PRKN: variants seen among roughly 807,000 people sequenced by gnomAD.
PRKN encodes E3 ubiquitin-protein ligase parkin.
In PRKN, 56 loss-of-function variants were observed where a neutral mutation model predicts 59.5. That is an observed-to-expected ratio of 0.94 (90% CI 0.76 to 1.18). The LOEUF (loss-of-function observed/expected upper bound fraction) is 1.18, where lower values mean the gene tolerates loss of function less well. PRKN is among the 50% of genes most tolerant of loss of function. The pLI is 0.00. For missense variants in PRKN, 657 were observed against 596.4 expected (o/e 1.10, Z -1.06); for synonymous variants, 250 against 222.1 (o/e 1.13, Z -1.12).
intron 6 of PRKN, among the ~76,000 whole-genome samples, chr6:161,816,755 A>G (rs935069917): frequency 6.6e-6 from 1 of 151,888 alleles, no homozygotes; most frequent in African/African-American, 2.4e-5. Context: ...GTTCATGCGC[A>G]GTCACTTTCT....
At chr6:162,217,034 C>T (rs1401065730) in intron 3 of PRKN, among the ~76,000 whole-genome samples, 1 of 152,102 alleles carries the variant, frequency 6.6e-6, no homozygotes, top group Admixed American at 6.6e-5. Context: ...CCAAGATTTT[C>T]GGTGTACAGA....
At chr6:162,225,901 T>C (rs1489877618) in intron 3 of PRKN, among the ~76,000 whole-genome samples, 4 of 148,920 alleles carry the variant, frequency 2.7e-5, no homozygotes, top group African/African-American at 9.8e-5. Context: ...TATATATATA[T>C]ATATACTTTT....
chr6:162,181,353 G>C (rs892930419), intron 4 of PRKN, among the ~76,000 whole-genome samples: 1 of 152,176 alleles, frequency 6.6e-6, no homozygotes, highest in Admixed American at 6.5e-5. Context: ...AAGAATACAA[G>C]TGGATGCTTG....
intron 6 of PRKN, among the ~76,000 whole-genome samples, chr6:161,902,552 A>ATCTATCTATCTATCTAT (rs1343265664): frequency 1.4e-4 from 17 of 121,076 alleles, no homozygotes; most frequent in East Asian, 1.0e-3. Context: ...CTATCTATTT[A>ATCTATCTATCTATCTAT]TTTATTTATT....
chr6:162,387,551 CACACAGAGAGAGAGAG>C (rs1176233524), intron 2 of PRKN, among the ~76,000 whole-genome samples: 49 of 76,678 alleles, frequency 6.4e-4, no homozygotes, highest in African/African-American at 2.6e-3. Flanking sequence ...CACACACACA[CACACAGAGAGAGAGAG>C]AGAGAGAGAG....
rs529158566 is a variant in PRKN, at chr6:162,520,091, A to AAT, written c.8-76620_8-76619dup. On this transcript the variant is annotated intron_variant, in intron 1 of 11. Coordinates refer to ENST00000366898, the MANE Select transcript of PRKN (RefSeq NM_004562.3). ...ATAGTGAGACCCTCATCTCTACAAA[A>AAT]ATATATATATATTTTTAAATATGGC... 1.6e-4 allele frequency among the ~76,000 whole-genome samples: 24 copies of AAT among 152,104 alleles called. No homozygotes were observed. In the South Asian group the frequency reaches 4.2e-3, roughly 26 times the overall value.
intron 4 of PRKN, among the ~76,000 whole-genome samples, chr6:162,120,241 C>T (rs1780851132): frequency 6.6e-6 from 1 of 152,196 alleles, no homozygotes; most frequent in Admixed American, 6.5e-5. Flanking sequence ...TGGGCTCAAG[C>T]AATTCTCCTG....
At chr6:161,979,183 C>T (rs1781167405) in intron 5 of PRKN, among the ~76,000 whole-genome samples, 1 of 151,802 alleles carries the variant, frequency 6.6e-6, no homozygotes, top group Admixed American at 6.6e-5. Flanking sequence ...CAAATGATAG[C>T]CTAAATGATT....
At chr6:161,791,277 T>C (rs1047438695) in intron 6 of PRKN, among the ~76,000 whole-genome samples, 29 of 152,210 alleles carry the variant, frequency 1.9e-4, no homozygotes, top group Non-Finnish European at 3.4e-4. Flanking sequence ...TTAAGCACAA[T>C]TGAAGGAGTT....
intron 1 of PRKN, among the ~76,000 whole-genome samples, chr6:162,467,478 A>G (rs1272734719): frequency 1.3e-5 from 2 of 152,176 alleles, no homozygotes; most frequent in Non-Finnish European, 2.9e-5. Flanking sequence ...AGCTCATGAT[A>G]AAAATTTAGC....
intron 3 of PRKN, among the ~76,000 whole-genome samples, chr6:162,238,596 G>A (rs750206711): frequency 2.8e-4 from 42 of 152,198 alleles, no homozygotes; most frequent in Non-Finnish European, 4.1e-4. Context: ...CCAAGACCCT[G>A]GGAGTTAAGT....
At chr6:161,747,030 G>A (rs1465582779) in intron 7 of PRKN, among the ~76,000 whole-genome samples, 2 of 152,062 alleles carry the variant, frequency 1.3e-5, no homozygotes, top group Admixed American at 6.6e-5. Context: ...AAACGTTTTC[G>A]ATTGATTTTC....
chr6:162,308,071 A>G (rs571216163), intron 2 of PRKN, among the ~76,000 whole-genome samples: 8 of 152,288 alleles, frequency 5.3e-5, no homozygotes, highest in Admixed American at 5.2e-4. Context: ...ATGCAAATGC[A>G]TGGGTGGTGA....
At chr6:162,167,792 C>T (rs1348247444) in intron 4 of PRKN, among the ~76,000 whole-genome samples, 1 of 152,040 alleles carries the variant, frequency 6.6e-6, no homozygotes. Flanking sequence ...TCTACCTAGA[C>T]TTTGAGGTTT....
intron 7 of PRKN, among the ~76,000 whole-genome samples, chr6:161,574,655 ACT>A (rs1781063587): frequency 6.6e-6 from 1 of 151,964 alleles, no homozygotes; most frequent in African/African-American, 2.4e-5. Flanking sequence ...GGAACTCTGA[ACT>A]CTTTATTGTA....
chr6:162,487,037 T>A (rs757508252), intron 1 of PRKN, among the ~76,000 whole-genome samples: 2 of 151,474 alleles, frequency 1.3e-5, no homozygotes, highest in African/African-American at 2.4e-5. Flanking sequence ...ACCATTGCAC[T>A]CCAGCCTGGG....
At chr6:161,731,850 A>T (rs1395537143) in intron 7 of PRKN, among the ~76,000 whole-genome samples, 1 of 152,222 alleles carries the variant, frequency 6.6e-6, no homozygotes, top group African/African-American at 2.4e-5. Context: ...GAATATACAC[A>T]CACCAAATAT....
intron 2 of PRKN, among the ~76,000 whole-genome samples, chr6:162,340,727 T>C (rs1193783738): frequency 6.6e-6 from 1 of 152,194 alleles, no homozygotes; most frequent in Non-Finnish European, 1.5e-5. Context: ...GCTAGCCATA[T>C]GCAGAAAACT....
At chr6:162,339,532 G>A (rs1442950541) in intron 2 of PRKN, among the ~76,000 whole-genome samples, 33 of 136,490 alleles carry the variant, frequency 2.4e-4, no homozygotes, top group African/African-American at 6.5e-4. Flanking sequence ...TCAGCCCCCC[G>A]CCCGGCCAGC....
Sources: allele counts gnomAD v4.1 joint callset (sites outside exome capture counted in the v4.1 genomes callset), GRCh38; gene constraint gnomAD v4.1.1; transcripts MANE v1.5; gene names NCBI Gene and HGNC (gene_info 2026-07-23, HGNC 2026-07-21).